TENM3: variants seen among roughly 807,000 people sequenced by gnomAD.
The protein encoded by TENM3 is teneurin transmembrane protein 3.
Under a neutral mutation model 255.1 loss-of-function variants are expected in TENM3, and 63 were observed. The observed-to-expected ratio is 0.25, with a 90% CI of 0.20 to 0.30. TENM3 has a LOEUF of 0.30. Ranked by LOEUF, TENM3 falls within the 10% of genes least tolerant of loss-of-function variation. TENM3 has a pLI of 1.00. For missense variants in TENM3, 2,929 were observed against 3,461.1 expected, an observed-to-expected ratio of 0.85 and a Z score of 3.86; for synonymous variants, 1,306 against 1,322.3, an observed-to-expected ratio of 0.99 and a Z score of 0.27.
the TENM3 span, among the ~76,000 whole-genome samples, chr4:182,051,530 A>T: frequency 6.6e-6 from 1 of 151,714 alleles, no homozygotes; most frequent in African/African-American, 2.4e-5. Context: ...GGCGCCTGCC[A>T]CCGCGCTCGG....
At chr4:182,250,816 G>A (rs953054693) in intron 1 of TENM3, among the ~76,000 whole-genome samples, 3 of 152,118 alleles carry the variant, frequency 2.0e-5, no homozygotes, top group Admixed American at 6.5e-5. Flanking sequence ...AAATTCTCAC[G>A]TAGTGCATAG....
chr4:182,076,175 G>A, the TENM3 span, among the ~76,000 whole-genome samples: 3 of 150,542 alleles, frequency 2.0e-5, no homozygotes, highest in African/African-American at 4.9e-5. Context: ...TTATAGGCAT[G>A]AGCCACCATG....
At chr4:181,870,710 C>A in the TENM3 span, among the ~76,000 whole-genome samples, 4 of 152,040 alleles carry the variant, frequency 2.6e-5, no homozygotes, top group African/African-American at 7.2e-5. Flanking sequence ...TTTGGGTAGA[C>A]CTTTGTCAGA....
At position 182,792,853 on chromosome 4, in the gene TENM3, G is replaced by A; in HGVS notation, c.6181G>A (p.Val2061Ile). The A allele has an allele frequency of 6.2e-7, 1 of 1,613,784 alleles. No homozygotes were observed. Among genetic ancestry groups the A allele is most frequent in the Non-Finnish European group, 8.5e-7 (1 of 1,179,778 alleles). The change falls in exon 26 of 28, where the codon GTT becomes ATT. Residue 2061 changes from valine to isoleucine, a missense_variant. By Grantham distance (29) the Val-to-Ile change is conservative. Transcript: ENST00000511685. This position sits in a 1 kb window ranked among gnomAD's most constrained non-coding sequence, Gnocchi z 6.3. The part of the protein sequence containing the change: ...GKVEQFGKFG[V>I]IYYDINQIIS... ...AGTTGAGCAGTTTGGAAAGTTTGGA[G>A]TTATATATTATGATATTAACCAGAT...
At chr4:182,095,993 G>T in the TENM3 span, among the ~76,000 whole-genome samples, 1 of 152,066 alleles carries the variant, frequency 6.6e-6, no homozygotes, top group African/African-American at 2.4e-5. Flanking sequence ...TCCAGGCACG[G>T]TGGCACACGC....
At chr4:182,443,879 T>C (rs929969828) in intron 3 of TENM3, among the ~76,000 whole-genome samples, 4 of 152,208 alleles carry the variant, frequency 2.6e-5, no homozygotes, top group Non-Finnish European at 5.9e-5. Flanking sequence ...GAAAGAGCCC[T>C]AAGTCTTCAT....
intron 1 of TENM3, among the ~76,000 whole-genome samples, chr4:182,164,186 T>C (rs1751556033): frequency 6.6e-6 from 1 of 152,178 alleles, no homozygotes; most frequent in South Asian, 2.1e-4. Flanking sequence ...ATTTCACGTA[T>C]GCTCTTGCAT....
chr4:182,111,189 C>CTT, the TENM3 span, among the ~76,000 whole-genome samples: 9,205 of 80,358 alleles, frequency 0.11, 629 homozygotes, highest in South Asian at 0.13. Context: ...GTCTTCTTCT[C>CTT]TTTTTTTTTT....
chr4:181,584,753 A>C, the TENM3 span, among the ~76,000 whole-genome samples: 1 of 152,288 alleles, frequency 6.6e-6, no homozygotes, highest in East Asian at 1.9e-4. Context: ...TCTTTTTAAA[A>C]TTACAATTGC....
chr4:182,752,401 C>T (rs958738051), intron 20 of TENM3, among the ~76,000 whole-genome samples: 1 of 152,038 alleles, frequency 6.6e-6, no homozygotes, highest in African/African-American at 2.4e-5. Flanking sequence ...TGAATGAGTC[C>T]CAGGCTTCTT....
At chr4:181,567,860 A>G in the TENM3 span, among the ~76,000 whole-genome samples, 17 of 152,320 alleles carry the variant, frequency 1.1e-4, no homozygotes, top group African/African-American at 4.1e-4. Flanking sequence ...GAAAGGCGAA[A>G]TAATTAGTCC....
the TENM3 span, among the ~76,000 whole-genome samples, chr4:182,123,174 GTTTT>G: frequency 1.3e-5 from 2 of 152,076 alleles, no homozygotes; most frequent in African/African-American, 4.8e-5. Context: ...GTTGTTGTTT[GTTTT>G]TTGTTTGTTT....
At chr4:182,687,808 A>G (rs1301316240) in intron 11 of TENM3, among the ~76,000 whole-genome samples, 1 of 152,054 alleles carries the variant, frequency 6.6e-6, no homozygotes, top group African/African-American at 2.4e-5. Flanking sequence ...GTGTGGGGAC[A>G]TGTTTTCTTG....
the TENM3 span, among the ~76,000 whole-genome samples, chr4:182,043,488 G>T: frequency 6.6e-6 from 1 of 152,122 alleles, no homozygotes; most frequent in Non-Finnish European, 1.5e-5. Flanking sequence ...GATAAGTGAT[G>T]ATTTGTCTAA....
the TENM3 span, among the ~76,000 whole-genome samples, chr4:181,956,777 C>G: frequency 8.5e-5 from 13 of 152,292 alleles, no homozygotes; most frequent in South Asian, 2.7e-3. Flanking sequence ...ATTTCAGATG[C>G]TATAGGCACT....
Position 182,800,411 on chromosome 4 carries a change from C to A in TENM3, c.*60C>A, listed in dbSNP as rs1187958997. On this transcript the variant is annotated 3_prime_UTR_variant, in exon 28 of 28. Transcript: ENST00000511685. ...TGCCCACATTGTCCTGTGGCACAAC[C>A]CGAGTGGGACTCTCCAACGCCCAAG... 13 of 1,480,864 alleles carry A rather than the reference C, an allele frequency of 8.8e-6. No individual in the cohort carries two copies. Among genetic ancestry groups the A allele is most frequent in the South Asian group, 1.3e-5 (1 of 78,124 alleles). The allele number at this position is 1,480,864 out of a possible 1,614,324, so 91.7% of individuals were successfully genotyped here.
At position 182,537,550 on chromosome 4, in the gene TENM3, A is replaced by C. The variant is rs1740460815; in HGVS notation, c.512-63374A>C. 3.9e-5 allele frequency among the ~76,000 whole-genome samples: 6 copies of C among 152,282 alleles called. No individual in the cohort carries two copies. The South Asian group carries it at 1.2e-3, about 32-fold the overall frequency. On this transcript the variant is annotated intron_variant, in intron 3 of 27. Transcript: ENST00000511685. ...CGGAGCAGGCACTTTGCTTTCTGCT[A>C]TTTCTTGGCCTCTATACTTGCAAAT...
chr4:181,957,693 C>G, the TENM3 span, among the ~76,000 whole-genome samples: 2 of 152,158 alleles, frequency 1.3e-5, no homozygotes, highest in Non-Finnish European at 2.9e-5. Context: ...GATCATCCAA[C>G]TAGGCAGACA....
intron 3 of TENM3, among the ~76,000 whole-genome samples, chr4:182,370,847 T>A (rs769490115): frequency 6.6e-6 from 1 of 152,218 alleles, no homozygotes; most frequent in Non-Finnish European, 1.5e-5. Flanking sequence ...TTGAATATCT[T>A]AATCATAAGT....
Sources: allele counts gnomAD v4.1 joint callset (sites outside exome capture counted in the v4.1 genomes callset), GRCh38; gene constraint gnomAD v4.1.1; non-coding constraint Gnocchi (gnomAD v3.1); transcripts MANE v1.5; gene names NCBI Gene and HGNC (gene_info 2026-07-23, HGNC 2026-07-21).